The following ROR1 variants were observed in gnomAD, a reference collection of about 807,000 sequenced individuals.
ROR1 encodes the protein ROR family WNT receptor 1.
A neutral mutation model predicts 78.8 loss-of-function variants in ROR1; 19 were observed. The ratio of observed to expected loss-of-function variants is 0.24; its 90% CI spans 0.17 to 0.35. The LOEUF is 0.35. Among genes scored for constraint, ROR1 ranks in the 10% least tolerant of loss-of-function variants. ROR1 has a pLI of 1.00. For missense variants in ROR1, 917 were observed against 1,177.8 expected, an observed-to-expected ratio of 0.78 and a Z score of 3.24; for synonymous variants, 386 against 433.6, an observed-to-expected ratio of 0.89 and a Z score of 1.36.
intron 1 of ROR1, among the ~76,000 whole-genome samples, chr1:63,887,645 C>T (rs1054060897): frequency 2.0e-5 from 3 of 152,090 alleles, no homozygotes; most frequent in Non-Finnish European, 4.4e-5. Context: ...TTTTAAAAAG[C>T]GTGTATTCAC....
chr1:64,128,911 G>A (rs1174358240), intron 4 of ROR1, among the ~76,000 whole-genome samples: 2 of 152,130 alleles, frequency 1.3e-5, no homozygotes, highest in African/African-American at 4.8e-5. Context: ...GACAAGGGAA[G>A]CCTTTAGGAA....
At chr1:63,952,628 A>G (rs1557579817) in intron 1 of ROR1, among the ~76,000 whole-genome samples, 1 of 152,102 alleles carries the variant, frequency 6.6e-6, no homozygotes, top group Non-Finnish European at 1.5e-5. Context: ...AGTGCTGGGG[A>G]TGAGGTTGCA....
At chr1:64,110,369 G>A (rs543810303) in intron 4 of ROR1, among the ~76,000 whole-genome samples, 12 of 152,278 alleles carry the variant, frequency 7.9e-5, no homozygotes, top group African/African-American at 2.9e-4. Flanking sequence ...GAATCTGAAG[G>A]TAAGAGGCAG....
At chr1:64,009,956 C>T (rs1224604753) in intron 2 of ROR1, among the ~76,000 whole-genome samples, 1 of 152,148 alleles carries the variant, frequency 6.6e-6, no homozygotes, top group Non-Finnish European at 1.5e-5. Flanking sequence ...TACATCAGGA[C>T]ACATTCAAAA....
At chr1:63,921,356 C>T (rs183759762) in intron 1 of ROR1, among the ~76,000 whole-genome samples, 3 of 152,060 alleles carry the variant, frequency 2.0e-5, no homozygotes, top group Non-Finnish European at 2.9e-5. Context: ...GGGGTGGCGA[C>T]GCTGCACATC....
chr1:63,904,165 T>A (rs1056392259), intron 1 of ROR1, among the ~76,000 whole-genome samples: 7 of 152,064 alleles, frequency 4.6e-5, no homozygotes, highest in Admixed American at 1.3e-4. Context: ...GTGACAAGAT[T>A]GCGATGATAC....
At chr1:63,991,802 A>G (rs930788703) in intron 1 of ROR1, among the ~76,000 whole-genome samples, 1 of 152,248 alleles carries the variant, frequency 6.6e-6, no homozygotes, top group Non-Finnish European at 1.5e-5. Context: ...GAAGGTAGCT[A>G]TTAACCTTTA....
chr1:64,070,535 G>C (rs1646995208), intron 4 of ROR1, among the ~76,000 whole-genome samples: 1 of 152,006 alleles, frequency 6.6e-6, no homozygotes, highest in Non-Finnish European at 1.5e-5. Flanking sequence ...GCCCAGGCTG[G>C]TCTCGAATTC....
intron 1 of ROR1, among the ~76,000 whole-genome samples, chr1:64,007,959 T>C (rs201580092): frequency 3.7e-5 from 1 of 26,792 alleles, no homozygotes; most frequent in Non-Finnish European, 3.7e-4. Context: ...CCTTGTTCTT[T>C]TTTTTTTTTT....
At chr1:64,060,622 G>A (rs999990401) in intron 4 of ROR1, among the ~76,000 whole-genome samples, 1 of 152,134 alleles carries the variant, frequency 6.6e-6, no homozygotes. Flanking sequence ...AAGCAGTTCA[G>A]GGGGGAGGCA....
intron 1 of ROR1, among the ~76,000 whole-genome samples, chr1:63,966,843 C>A (rs952535849): frequency 6.6e-6 from 1 of 152,196 alleles, no homozygotes; most frequent in African/African-American, 2.4e-5. Context: ...TTGAACCAAT[C>A]GCTTGAAAAG....
At chr1:64,023,973 G>T (rs1646587008) in intron 2 of ROR1, among the ~76,000 whole-genome samples, 1 of 152,148 alleles carries the variant, frequency 6.6e-6, no homozygotes, top group Admixed American at 6.5e-5. Flanking sequence ...GAGTTCTCAT[G>T]AGATGTGTTG....
intron 4 of ROR1, among the ~76,000 whole-genome samples, chr1:64,096,818 A>C (rs1210330585): frequency 6.6e-6 from 1 of 151,066 alleles, no homozygotes; most frequent in Admixed American, 6.6e-5. Flanking sequence ...AGGAATCACC[A>C]TACTGTCTTC....
chr1:63,893,064 C>A (rs185297955), intron 1 of ROR1, among the ~76,000 whole-genome samples: 1 of 152,120 alleles, frequency 6.6e-6, no homozygotes, highest in Admixed American at 6.5e-5. Context: ...GCAGAGGGTG[C>A]GGTTTCCCTG....
At chr1:64,001,151 C>A (rs897391403) in intron 1 of ROR1, among the ~76,000 whole-genome samples, 2 of 152,176 alleles carry the variant, frequency 1.3e-5, no homozygotes, top group Admixed American at 1.3e-4. Flanking sequence ...ATACTCTACA[C>A]AGCAATAAAA....
chr1:64,146,855 C>A (rs2100717860), intron 7 of ROR1, among the ~76,000 whole-genome samples: 1 of 152,278 alleles, frequency 6.6e-6, no homozygotes, highest in South Asian at 2.1e-4. Context: ...GTGCCTGGTG[C>A]TTTACATATT....
chr1:64,089,908 C>A (rs1026799956), intron 4 of ROR1, among the ~76,000 whole-genome samples: 1 of 152,016 alleles, frequency 6.6e-6, no homozygotes, highest in African/African-American at 2.4e-5. Flanking sequence ...CTGTTCTCGT[C>A]ATAATGAATA....
chr1:64,127,490 GTCTC>G (rs963357905), intron 4 of ROR1, among the ~76,000 whole-genome samples: 3 of 141,892 alleles, frequency 2.1e-5, no homozygotes, highest in Non-Finnish European at 4.6e-5. Context: ...TCCTCTCTCT[GTCTC>G]TCTCTCTCTC....
intron 4 of ROR1, among the ~76,000 whole-genome samples, chr1:64,053,401 A>C (rs1646849064): frequency 1.3e-5 from 2 of 152,114 alleles, no homozygotes; most frequent in Admixed American, 1.3e-4. Flanking sequence ...TTTCCACATG[A>C]AGCTTTCAGA....
Sources: gnomAD v4.1 joint callset for allele counts (sites outside exome capture counted in the v4.1 genomes callset) on GRCh38, gnomAD v4.1.1 for gene constraint, MANE v1.5 for transcripts, NCBI Gene and HGNC (gene_info 2026-07-23, HGNC 2026-07-21) for gene names.